Variants in TYR observed in about 807,000 individuals in gnomAD.
The protein encoded by TYR is LB24-AB.
In TYR, 58 loss-of-function variants were observed where a neutral mutation model predicts 51.5. The observed-to-expected ratio is 1.13, with a 90% CI of 0.91 to 1.40. The LOEUF (loss-of-function observed/expected upper bound fraction) is 1.40, where lower values mean the gene tolerates loss of function less well. Ranked by LOEUF, TYR falls within the 40% of genes most tolerant of loss-of-function variation. The pLI is 0.00. For missense variants in TYR, 732 were observed against 647.4 expected, an observed-to-expected ratio of 1.13 and a Z score of -1.42; for synonymous variants, 263 against 235.2, an observed-to-expected ratio of 1.12 and a Z score of -1.08.
chr11:89,268,945 C>G (rs374209818), intron 3 of TYR, among the ~76,000 whole-genome samples: 1 of 151,970 alleles, frequency 6.6e-6, no homozygotes, highest in East Asian at 1.9e-4. Flanking sequence ...ATACCACTTT[C>G]TCGTTTCCCA....
At position 89,178,514 on chromosome 11, in the gene TYR, A is replaced by G; in HGVS notation, c.561A>G (p.Ala187=). Residue 187 remains alanine (A), a synonymous_variant, in exon 1 of 5, where the codon GCA becomes GCG. Coordinates refer to ENST00000263321, the MANE Select transcript of TYR (RefSeq NM_000372.5). ...TGCATTATTATGTGTCAATGGATGCACTGCTTGGGGGATCTGAAATCTGGA... is the reference window on the plus strand; with the variant it reads ...TGCATTATTATGTGTCAATGGATGCGCTGCTTGGGGGATCTGAAATCTGGA... ...VWMHYYVSMD[A]LLGGSEIWRD... The G allele has an allele frequency of 1.2e-6, 2 of 1,614,196 alleles. No individual in the cohort carries two copies. The highest frequency in any genetic ancestry group is 1.7e-6 in the Non-Finnish European group (2 of 1,180,018).
intron 2 of TYR, among the ~76,000 whole-genome samples, chr11:89,195,601 C>T (rs895480018): frequency 6.6e-6 from 1 of 152,034 alleles, no homozygotes; most frequent in African/African-American, 2.4e-5. Context: ...ATCGCTTGAA[C>T]CCAGGAGGCA....
chr11:89,252,509 A>G (rs1294968806), intron 3 of TYR, among the ~76,000 whole-genome samples: 4 of 151,788 alleles, frequency 2.6e-5, no homozygotes, highest in African/African-American at 9.7e-5. Flanking sequence ...ATGAATGAGT[A>G]TAGTAGAAAA....
intron 3 of TYR, among the ~76,000 whole-genome samples, chr11:89,228,245 A>C (rs1206356768): frequency 6.6e-6 from 1 of 152,048 alleles, no homozygotes; most frequent in African/African-American, 2.4e-5. Flanking sequence ...GAAATCCAAG[A>C]CTCCACTAGA....
intron 2 of TYR, among the ~76,000 whole-genome samples, chr11:89,212,652 C>T (rs189376698): frequency 6.6e-6 from 1 of 152,242 alleles, no homozygotes; most frequent in East Asian, 1.9e-4. Flanking sequence ...GAATTTTAGG[C>T]CAATATCCCT....
At chr11:89,214,398 A>T (rs1943805379) in intron 2 of TYR, among the ~76,000 whole-genome samples, 1 of 152,214 alleles carries the variant, frequency 6.6e-6, no homozygotes. Context: ...GCTAGAGAGG[A>T]TGTAGAGAAA....
intron 1 of TYR, among the ~76,000 whole-genome samples, chr11:89,186,460 T>C (rs147633802): frequency 1.2e-3 from 190 of 152,242 alleles, no homozygotes; most frequent in African/African-American, 4.1e-3. Flanking sequence ...CCACTACCCA[T>C]CCACCAGCCC....
At chr11:89,291,318 T>C (rs1944850931) in intron 4 of TYR, among the ~76,000 whole-genome samples, 1 of 152,130 alleles carries the variant, frequency 6.6e-6, no homozygotes, top group East Asian at 1.9e-4. Context: ...TAATTGTTGA[T>C]GTATAGGGAA....
At chr11:89,198,135 C>G (rs77542790) in intron 2 of TYR, among the ~76,000 whole-genome samples, 1 of 151,822 alleles carries the variant, frequency 6.6e-6, no homozygotes, top group Non-Finnish European at 1.5e-5. Flanking sequence ...GAAAAGCCAG[C>G]TGGAAAACTA....
intron 3 of TYR, among the ~76,000 whole-genome samples, chr11:89,242,283 C>T (rs142405922): frequency 0.059 from 8,947 of 152,196 alleles, 607 homozygotes; most frequent in African/African-American, 0.17. Context: ...TCTCAGCTCA[C>T]TGCAAACTCC....
Position 89,295,310 on chromosome 11 carries a change from C to G in TYR, c.1534C>G (p.Gln512Glu). The G allele has an allele frequency of 6.2e-7, 1 of 1,613,686 alleles. No homozygotes were observed. Among genetic ancestry groups the G allele is most frequent in the Non-Finnish European group, 8.5e-7 (1 of 1,179,750 alleles). ...HKRKQLPEEK[Q>E]PLLMEKEDYH... Reference sequence around the variant, plus strand: ...GAGAAAGCAGCTTCCTGAAGAAAAGCAGCCACTCCTCATGGAGAAAGAGGA... The same window carrying G: ...GAGAAAGCAGCTTCCTGAAGAAAAGGAGCCACTCCTCATGGAGAAAGAGGA... Residue 512 changes from glutamine to glutamate, a missense_variant, in exon 5 of 5, where the codon CAG becomes GAG. Transcript: ENST00000263321.
At chr11:89,243,050 A>G (rs182989084) in intron 3 of TYR, among the ~76,000 whole-genome samples, 1 of 152,338 alleles carries the variant, frequency 6.6e-6, no homozygotes, top group African/African-American at 2.4e-5. Flanking sequence ...AAGATGCTAC[A>G]ATAATTATCA....
At chr11:89,198,486 T>TC (rs944534102) in intron 2 of TYR, among the ~76,000 whole-genome samples, 9 of 151,896 alleles carry the variant, frequency 5.9e-5, no homozygotes, top group African/African-American at 2.2e-4. Context: ...TTTTAATTAA[T>TC]CCCCCAGATT....
intron 2 of TYR, among the ~76,000 whole-genome samples, chr11:89,202,044 G>A (rs372564931): frequency 1.5e-4 from 23 of 152,076 alleles, no homozygotes; most frequent in Middle Eastern, 3.4e-3. Flanking sequence ...GGAAGTGGGG[G>A]TGTTTATGAC....
At chr11:89,268,033 A>G (rs547725512) in intron 3 of TYR, among the ~76,000 whole-genome samples, 1 of 152,072 alleles carries the variant, frequency 6.6e-6, no homozygotes, top group South Asian at 2.1e-4. Context: ...AACACTTATC[A>G]TATTTAGACT....
intron 1 of TYR, among the ~76,000 whole-genome samples, chr11:89,180,734 A>C (rs11820834): frequency 0.025 from 3,843 of 152,252 alleles, 174 homozygotes; most frequent in African/African-American, 0.089. Flanking sequence ...AAGAAAGGTG[A>C]AATGAGCATT....
intron 2 of TYR, among the ~76,000 whole-genome samples, chr11:89,201,003 T>C (rs1183501088): frequency 2.0e-5 from 3 of 152,196 alleles, no homozygotes; most frequent in African/African-American, 4.8e-5. Flanking sequence ...TTAGTGATTT[T>C]ATAATAGCAT....
chr11:89,220,567 A>C (rs1450939001), intron 2 of TYR, among the ~76,000 whole-genome samples: 2 of 152,138 alleles, frequency 1.3e-5, no homozygotes, highest in African/African-American at 4.8e-5. Context: ...AACACCTGAA[A>C]GTTGGTTAAA....
chr11:89,192,534 A>G (rs1943459858), intron 2 of TYR, among the ~76,000 whole-genome samples: 2 of 151,730 alleles, frequency 1.3e-5, no homozygotes, highest in Admixed American at 1.3e-4. Context: ...TTTACACCCC[A>G]ACTTTTATTA....
Sources: gnomAD v4.1 joint callset for allele counts (sites outside exome capture counted in the v4.1 genomes callset) on GRCh38, gnomAD v4.1.1 for gene constraint, MANE v1.5 for transcripts, NCBI Gene and HGNC (gene_info 2026-07-23, HGNC 2026-07-21) for gene names.